The following RUNDC3B variants were observed in gnomAD, a reference collection of about 807,000 sequenced individuals.
RUNDC3B encodes the protein RUN domain-containing protein 3B.
Under a neutral mutation model 58.4 loss-of-function variants are expected in RUNDC3B, and 33 were observed. The ratio of observed to expected loss-of-function variants is 0.56; its 90% CI spans 0.43 to 0.75. RUNDC3B has a LOEUF of 0.75. Ranked by LOEUF, RUNDC3B falls within the 30% of genes least tolerant of loss-of-function variation. RUNDC3B has a pLI of 0.00. For missense variants in RUNDC3B, 501 were observed against 535.7 expected, an observed-to-expected ratio of 0.94 and a Z score of 0.64; for synonymous variants, 193 against 195.2, an observed-to-expected ratio of 0.99 and a Z score of 0.10.
intron 10 of RUNDC3B, among the ~76,000 whole-genome samples, chr7:87,820,108 T>C (rs1423921679): frequency 1.3e-5 from 2 of 152,190 alleles, no homozygotes; most frequent in Admixed American, 1.3e-4. Context: ...AACTGGTTTT[T>C]TGAAAACATC....
chr7:87,728,308 A>G (rs959372000), intron 4 of RUNDC3B, among the ~76,000 whole-genome samples: 8 of 152,182 alleles, frequency 5.3e-5, no homozygotes, highest in Admixed American at 2.6e-4. Flanking sequence ...TTCTCTGAAT[A>G]GGCTGTACAT....
chr7:87,724,524 G>A (rs1420604408), intron 4 of RUNDC3B, among the ~76,000 whole-genome samples: 1 of 151,774 alleles, frequency 6.6e-6, no homozygotes, highest in African/African-American at 2.4e-5. Flanking sequence ...CAATTTCACA[G>A]TGAAAAAAAT....
At chr7:87,722,332 A>G (rs538990805) in intron 4 of RUNDC3B, among the ~76,000 whole-genome samples, 58 of 152,064 alleles carry the variant, frequency 3.8e-4, no homozygotes, top group Non-Finnish European at 6.6e-4. Context: ...GAAATTTTGT[A>G]CCTTTGATCA....
At chr7:87,783,946 G>A (rs947792499) in intron 8 of RUNDC3B, among the ~76,000 whole-genome samples, 3 of 151,796 alleles carry the variant, frequency 2.0e-5, no homozygotes, top group East Asian at 1.9e-4. Flanking sequence ...TTTCTTTCAC[G>A]TTGACCTGGC....
intron 6 of RUNDC3B, among the ~76,000 whole-genome samples, chr7:87,767,816 G>A (rs114164016): frequency 0.03 from 4,512 of 152,208 alleles, 63 homozygotes; most frequent in Middle Eastern, 0.048. Flanking sequence ...AGGCAGGTAG[G>A]AATGCAATCA....
intron 2 of RUNDC3B, among the ~76,000 whole-genome samples, chr7:87,660,198 C>T (rs1176954420): frequency 1.3e-5 from 2 of 151,964 alleles, no homozygotes; most frequent in African/African-American, 2.4e-5. Context: ...GTAGCAGTTA[C>T]CAGTAAAAAC....
intron 10 of RUNDC3B, among the ~76,000 whole-genome samples, chr7:87,828,077 CT>C (rs904688617): frequency 6.6e-6 from 1 of 151,978 alleles, no homozygotes; most frequent in Non-Finnish European, 1.5e-5. Flanking sequence ...TTATTGATAA[CT>C]TTTTTTTGTT....
intron 4 of RUNDC3B, among the ~76,000 whole-genome samples, chr7:87,734,065 C>G (rs1326794682): frequency 6.6e-6 from 1 of 152,088 alleles, no homozygotes; most frequent in East Asian, 1.9e-4. Flanking sequence ...CATTAGCCAT[C>G]AGGGAAATAC....
chr7:87,629,053 C>T (rs1333551945), intron 1 of RUNDC3B, 108 bp downstream of exon 1: 4 of 1,080,454 alleles, frequency 3.7e-6, no homozygotes, highest in African/African-American at 3.3e-5. Flanking sequence ...CCGCCCAGTG[C>T]CCCCGCCTAT....
At chr7:87,805,880 T>G (rs1836408265) in intron 8 of RUNDC3B, among the ~76,000 whole-genome samples, 1 of 152,168 alleles carries the variant, frequency 6.6e-6, no homozygotes, top group Non-Finnish European at 1.5e-5. Flanking sequence ...TAATGGTGGT[T>G]TATCATAATA....
At chr7:87,694,075 A>T in intron 2 of RUNDC3B, 1 of 1,525,006 alleles carries the variant, frequency 6.6e-7, no homozygotes. Flanking sequence ...TGGGTTTTGT[A>T]AAGCCTTCTT....
chr7:87,628,554 C>A lies in RUNDC3B; in HGVS notation c.-270C>A. 3.2e-6 allele frequency: 1 copy of A among 313,088 alleles called. No individual in the cohort carries two copies. Among genetic ancestry groups the A allele is most frequent in the Non-Finnish European group, 5.8e-6 (1 of 172,854 alleles). The allele number at this position is 313,088 out of a possible 1,614,324, so 19.4% of individuals were successfully genotyped here. ...GCAGGCGCAGCCCGGCAGTCGGCGG[C>A]GCGCCGAGGGCGGAGGTGGTGCGTG... On this transcript the variant is annotated 5_prime_UTR_variant, in exon 1 of 11. Transcript: ENST00000394654.
At chr7:87,812,380 G>A (rs1016514787) in intron 9 of RUNDC3B, among the ~76,000 whole-genome samples, 3 of 152,066 alleles carry the variant, frequency 2.0e-5, no homozygotes, top group Non-Finnish European at 2.9e-5. Context: ...AGGCCACAGC[G>A]GGCGGATCAC....
intron 4 of RUNDC3B, among the ~76,000 whole-genome samples, chr7:87,716,846 T>G (rs1436531346): frequency 1.3e-5 from 2 of 152,204 alleles, no homozygotes; most frequent in Non-Finnish European, 2.9e-5. Flanking sequence ...ATTACTTCTA[T>G]GATTTTTTAA....
chr7:87,695,721 A>G (rs1828441114), intron 2 of RUNDC3B, among the ~76,000 whole-genome samples: 1 of 152,096 alleles, frequency 6.6e-6, no homozygotes, highest in African/African-American at 2.4e-5. Context: ...TTTTTCTTGT[A>G]TTATGAAAAG....
intron 1 of RUNDC3B, among the ~76,000 whole-genome samples, chr7:87,637,878 A>T (rs1563092749): frequency 6.6e-6 from 1 of 151,518 alleles, no homozygotes; most frequent in African/African-American, 2.4e-5. Context: ...TCCTTTTTCA[A>T]TCTTTATGGC....
chr7:87,763,163 C>T (rs967706399), intron 6 of RUNDC3B, among the ~76,000 whole-genome samples: 1 of 151,554 alleles, frequency 6.6e-6, no homozygotes, highest in African/African-American at 2.4e-5. Flanking sequence ...AGGTTAATGT[C>T]TTTACCACCC....
rs191516394 is a variant in RUNDC3B at position 87,766,553 on chromosome 7, A to G, written c.630-4028A>G. 3.5e-4 allele frequency among the ~76,000 whole-genome samples: 53 copies of G among 152,136 alleles called. 1 individual carries two copies. In the East Asian group the frequency reaches 8.7e-3, roughly 25 times the overall value. On this transcript the variant is annotated intron_variant, in intron 6 of 10. Transcript: ENST00000394654. ...CTTGGCTAGTGTTTTTTTCTCTAAG[A>G]AGGCTGAAAAAAGACCCCCAGTCTC...
At chr7:87,650,370 G>A (rs1321492768) in intron 1 of RUNDC3B, among the ~76,000 whole-genome samples, 2 of 151,970 alleles carry the variant, frequency 1.3e-5, no homozygotes, top group African/African-American at 4.8e-5. Flanking sequence ...TGAGATCGGG[G>A]CACCATCAGA....
Sources: gnomAD v4.1 joint callset for allele counts (sites outside exome capture counted in the v4.1 genomes callset) on GRCh38, gnomAD v4.1.1 for gene constraint, MANE v1.5 for transcripts, NCBI Gene and HGNC (gene_info 2026-07-23, HGNC 2026-07-21) for gene names.